The following ANK3 variants were observed in gnomAD, a reference collection of about 807,000 sequenced individuals.
The protein encoded by ANK3 is ankyrin-3.
In ANK3, 57 loss-of-function variants were observed where a neutral mutation model predicts 370.9. That is an observed-to-expected ratio of 0.15 (90% CI 0.12 to 0.19). The LOEUF is 0.19. ANK3 is among the 10% of genes least tolerant of loss of function. The pLI is 1.00. For synonymous variants in ANK3, 1,929 were observed against 1,946.3 expected, an observed-to-expected ratio of 0.99 and a Z score of 0.23; for missense variants, 4,439 against 5,302.1, an observed-to-expected ratio of 0.84 and a Z score of 5.06.
At chr10:60,684,536 TC>T in intron 1 of ANK3, 1 of 1,570,378 alleles carries the variant, frequency 6.4e-7, no homozygotes, top group Non-Finnish European at 8.7e-7. Flanking sequence ...CAGACTTCTA[TC>T]CTGTCCAGTC....
At chr10:60,559,508 T>C (rs761412932) in intron 2 of ANK3, among the ~76,000 whole-genome samples, 1 of 152,238 alleles carries the variant, frequency 6.6e-6, no homozygotes, top group Non-Finnish European at 1.5e-5. Context: ...TGACATATAC[T>C]GTTTCTAATC....
chr10:60,481,265 T>A (rs116280711), intron 2 of ANK3, among the ~76,000 whole-genome samples: 2,285 of 152,264 alleles, frequency 0.015, 59 homozygotes, highest in African/African-American at 0.052. Flanking sequence ...ATTGTCATGA[T>A]GAAGATTTTT....
At chr10:60,387,352 T>G (rs533534892) in intron 1 of ANK3, among the ~76,000 whole-genome samples, 1 of 152,214 alleles carries the variant, frequency 6.6e-6, no homozygotes, top group East Asian at 1.9e-4. Context: ...TCATAACAAT[T>G]CACTTTATAG....
intron 2 of ANK3, among the ~76,000 whole-genome samples, chr10:60,495,050 C>T (rs778367860): frequency 6.6e-6 from 1 of 152,120 alleles, no homozygotes; most frequent in Non-Finnish European, 1.5e-5. Context: ...CATGTCATCG[C>T]TCATCACTCA....
At chr10:60,565,515 G>T (rs73269523) in intron 2 of ANK3, among the ~76,000 whole-genome samples, 2,124 of 152,184 alleles carry the variant, frequency 0.014, 47 homozygotes, top group African/African-American at 0.048. Flanking sequence ...AAGTCCTTTT[G>T]GGAAACCCCA....
chr10:60,645,251 C>T (rs2078695002), intron 1 of ANK3, among the ~76,000 whole-genome samples: 1 of 152,132 alleles, frequency 6.6e-6, no homozygotes, highest in African/African-American at 2.4e-5. Flanking sequence ...AATGTGCAAA[C>T]ATTCTATTAA....
intron 2 of ANK3, among the ~76,000 whole-genome samples, chr10:60,412,185 T>G (rs2063573460): frequency 6.6e-6 from 1 of 152,064 alleles, no homozygotes; most frequent in Non-Finnish European, 1.5e-5. Context: ...TGCAGGGTGC[T>G]CGGGGTGCAT....
intron 2 of ANK3, among the ~76,000 whole-genome samples, chr10:60,439,521 T>A (rs10994349): frequency 0.15 from 23,095 of 150,740 alleles, 1,799 homozygotes; most frequent in South Asian, 0.17. Flanking sequence ...AAAAATAATT[T>A]AAAAAAAAAC....
intron 2 of ANK3, among the ~76,000 whole-genome samples, chr10:60,544,806 C>T (rs2133221608): frequency 6.6e-6 from 1 of 152,084 alleles, no homozygotes; most frequent in South Asian, 2.1e-4. Flanking sequence ...TATTCATCAC[C>T]AATGTTTGTA....
chr10:60,670,167 T>C (rs539419787), intron 1 of ANK3, among the ~76,000 whole-genome samples: 1 of 152,126 alleles, frequency 6.6e-6, no homozygotes, highest in South Asian at 2.1e-4. Context: ...ACAATGAATA[T>C]ACTCTGACCT....
intron 2 of ANK3, among the ~76,000 whole-genome samples, chr10:60,558,020 G>T (rs1449847094): frequency 6.6e-6 from 1 of 152,158 alleles, no homozygotes; most frequent in Non-Finnish European, 1.5e-5. Context: ...TGTAATGGTA[G>T]AGATGTTGAA....
At chr10:60,545,241 A>G (rs536900470) in intron 2 of ANK3, among the ~76,000 whole-genome samples, 3 of 152,184 alleles carry the variant, frequency 2.0e-5, no homozygotes, top group East Asian at 3.9e-4. Flanking sequence ...CAAATCATAC[A>G]AGAAAGATAC....
intron 25 of ANK3, among the ~76,000 whole-genome samples, chr10:60,118,713 T>C (rs1231637995): frequency 6.6e-6 from 1 of 152,166 alleles, no homozygotes; most frequent in Non-Finnish European, 1.5e-5. Context: ...CTGGGGAGCC[T>C]AAGGTTATTT....
chr10:60,082,126 TA>T, intron 35 of ANK3, 23 bp downstream of exon 35: 2 of 1,596,806 alleles, frequency 1.3e-6, no homozygotes, highest in South Asian at 2.2e-5. Context: ...TCTGATAGAA[TA>T]AAAGCAGAAG....
chr10:60,059,194 T>G, intron 41 of ANK3, 146 bp downstream of exon 41: 1 of 636,772 alleles, frequency 1.6e-6, no homozygotes, highest in Admixed American at 2.8e-5. Flanking sequence ...CTTTCCAGAT[T>G]AGCATAATGA....
intron 1 of ANK3, among the ~76,000 whole-genome samples, chr10:60,340,353 C>T (rs1291235779): frequency 6.6e-6 from 1 of 152,172 alleles, no homozygotes; most frequent in Non-Finnish European, 1.5e-5. Context: ...CTTGCTTCAG[C>T]CTCCTAAGTA....
intron 25 of ANK3, among the ~76,000 whole-genome samples, chr10:60,122,765 C>T (rs2093565518): frequency 6.6e-6 from 1 of 152,172 alleles, no homozygotes. Flanking sequence ...CTTATATTAG[C>T]TCATTTGTCA....
chr10:60,078,168 T>A (rs969370248), intron 36 of ANK3, among the ~76,000 whole-genome samples: 2 of 152,246 alleles, frequency 1.3e-5, no homozygotes, highest in Non-Finnish European at 2.9e-5. Flanking sequence ...CTTCATGCTG[T>A]GCCCGTGCCA....
intron 1 of ANK3, among the ~76,000 whole-genome samples, chr10:60,682,979 G>C (rs2079216508): frequency 6.6e-6 from 1 of 152,170 alleles, no homozygotes; most frequent in African/African-American, 2.4e-5. Flanking sequence ...TCAACTGTGG[G>C]GGAAGGAAGG....
Sources: allele counts gnomAD v4.1 joint callset (sites outside exome capture counted in the v4.1 genomes callset), GRCh38; gene constraint gnomAD v4.1.1; transcripts MANE v1.5; gene names NCBI Gene and HGNC (gene_info 2026-07-23, HGNC 2026-07-21).